VAX2: variants seen among roughly 807,000 people sequenced by gnomAD.
VAX2 encodes ventral anterior homeobox 2.
Under a neutral mutation model 12.5 loss-of-function variants are expected in VAX2, and 8 were observed. That is an observed-to-expected ratio of 0.64 (90% confidence interval 0.37 to 1.15). The LOEUF is 1.15. VAX2 is among the 50% of genes most tolerant of loss of function. VAX2 has a pLI of 0.01. For synonymous variants in VAX2, 183 were observed against 187.6 expected, an observed-to-expected ratio of 0.98 and a Z score of 0.20; for missense variants, 476 against 412.9, an observed-to-expected ratio of 1.15 and a Z score of -1.32.
chr2:70,911,893 G>T (rs1481368653), intron 1 of VAX2, among the ~76,000 whole-genome samples: 1 of 151,966 alleles, frequency 6.6e-6, no homozygotes, highest in South Asian at 2.1e-4. Context: ...TTATTTTTAG[G>T]TACTCAAATA....
chr2:70,916,687 T>A (rs1483793316), intron 1 of VAX2, among the ~76,000 whole-genome samples: 2 of 152,214 alleles, frequency 1.3e-5, no homozygotes, highest in Non-Finnish European at 2.9e-5. Context: ...TTGTTGTGTG[T>A]TTCAATCGTT....
chr2:70,917,536 A>AT (rs1553412185), intron 1 of VAX2, among the ~76,000 whole-genome samples: 1 of 151,846 alleles, frequency 6.6e-6, no homozygotes, highest in Non-Finnish European at 1.5e-5. Context: ...CACTCTCAGT[A>AT]TTTTTTCTTT....
intron 1 of VAX2, among the ~76,000 whole-genome samples, chr2:70,912,191 A>T (rs1679200665): frequency 6.6e-6 from 1 of 152,316 alleles, no homozygotes; most frequent in Non-Finnish European, 1.5e-5. Context: ...GATTTGTAAC[A>T]TATTTGCTGT....
intron 1 of VAX2, among the ~76,000 whole-genome samples, chr2:70,910,241 T>C (rs1442901233): frequency 1.3e-5 from 2 of 152,148 alleles, no homozygotes; most frequent in African/African-American, 4.8e-5. Flanking sequence ...AATTGGGGGA[T>C]AGGTATATCG....
chr2:70,913,457 G>A (rs555818585), intron 1 of VAX2, among the ~76,000 whole-genome samples: 139 of 152,250 alleles, frequency 9.1e-4, no homozygotes, highest in Admixed American at 4.3e-3. Flanking sequence ...TGAGGCGGGG[G>A]GATCACTTGA....
intron 2 of VAX2, among the ~76,000 whole-genome samples, chr2:70,931,637 C>T (rs960534757): frequency 2.0e-5 from 3 of 152,252 alleles, no homozygotes; most frequent in Non-Finnish European, 4.4e-5. Context: ...TGAGACCACC[C>T]ATCCCTGCCA....
At chr2:70,920,865 GT>G (rs1679441608) in intron 1 of VAX2, among the ~76,000 whole-genome samples, 1 of 152,128 alleles carries the variant, frequency 6.6e-6, no homozygotes, top group African/African-American at 2.4e-5. Context: ...AGACCTGGCA[GT>G]TGTACTGAGG....
intron 1 of VAX2, among the ~76,000 whole-genome samples, chr2:70,901,487 C>A (rs1368231992): frequency 6.6e-6 from 1 of 152,250 alleles, no homozygotes; most frequent in Non-Finnish European, 1.5e-5. Flanking sequence ...CGGCTCTCGG[C>A]GCCGCCTTCC....
intron 2 of VAX2, among the ~76,000 whole-genome samples, chr2:70,924,073 A>AT (rs1414667962): frequency 6.6e-6 from 1 of 152,070 alleles, no homozygotes; most frequent in Non-Finnish European, 1.5e-5. Flanking sequence ...AGGTGGGAGG[A>AT]TTGTTTGAGC....
chr2:70,905,808 A>G (rs1679044790), intron 1 of VAX2, among the ~76,000 whole-genome samples: 1 of 152,222 alleles, frequency 6.6e-6, no homozygotes, highest in Non-Finnish European at 1.5e-5. Flanking sequence ...AGGAGATGGC[A>G]GTGGCATGCA....
rs1678899776 is a variant in VAX2 at position 70,900,754 on chromosome 2, G to C, written c.133G>C (p.Glu45Gln). Residue 45 changes from glutamate (E) to glutamine (Q), a missense_variant, in exon 1 of 3, where the codon GAG (glutamate) becomes CAG (glutamine). Physicochemically the swap from Glu to Gln is conservative, Grantham distance 29 (BLOSUM62 2). Coordinates refer to ENST00000234392, the MANE Select transcript of VAX2 (RefSeq NM_012476.3). ...RADGGGHSPT[E>Q]VAGTSASSPA... is the part of the protein sequence containing the mutation. Reference sequence around the variant, plus strand: ...TGATGGCGGTGGCCACAGCCCAACGGAGGTGGCCGGGACCTCAGCCTCCAG... The same window carrying C: ...TGATGGCGGTGGCCACAGCCCAACGCAGGTGGCCGGGACCTCAGCCTCCAG... 1.3e-6 allele frequency: 2 copies of C among 1,486,756 alleles called. No homozygotes were observed. Among genetic ancestry groups the C allele is most frequent in the Non-Finnish European group, 1.8e-6 (2 of 1,118,068 alleles). The allele number at this position is 1,486,756 out of a possible 1,614,324, so 92.1% of individuals were successfully genotyped here. A position where few individuals can be genotyped will look rare whatever the true frequency, so the allele number is the denominator to read the frequency against.
rs1192278715 is a variant in VAX2 at position 70,904,645 on chromosome 2, G to A, written c.247+3777G>A. On this transcript the variant is annotated intron_variant, in intron 1 of 2. Coordinates refer to ENST00000234392, the MANE Select transcript of VAX2 (RefSeq NM_012476.3). This position sits in a 1 kb window ranked among gnomAD's most constrained non-coding sequence, Gnocchi z 4.2. ...AACCCCTGTGTCTGGGAGCAGTAGG[G>A]TGGGATGACTGCAGGATCCCTTGAA... Among the ~76,000 whole-genome samples, 2 of 152,180 alleles carry A rather than the reference G, an allele frequency of 1.3e-5. No individual in the cohort carries two copies. Among genetic ancestry groups the A allele is most frequent in the African/African-American group, 4.8e-5 (2 of 41,452 alleles).
Position 70,905,976 on chromosome 2 carries a change from C to A in VAX2, c.247+5108C>A, listed in dbSNP as rs537540086. On this transcript the variant is annotated intron_variant, in intron 1 of 2. Coordinates refer to ENST00000234392, the MANE Select transcript of VAX2 (RefSeq NM_012476.3). ...CTTGTTGGCTACATTTCTTTGATTT[C>A]TATTTTAATGGTGGGAGGTGGAGCA... Among the ~76,000 whole-genome samples the A allele has an allele frequency of 1.4e-4, 21 of 152,356 alleles. 2 individuals are homozygous for A. In the South Asian group the frequency reaches 4.1e-3, roughly 30 times the overall value.
At chr2:70,928,152 A>G (rs1679614338) in intron 2 of VAX2, among the ~76,000 whole-genome samples, 1 of 152,218 alleles carries the variant, frequency 6.6e-6, no homozygotes, top group African/African-American at 2.4e-5. Context: ...GAGAGACAAC[A>G]TTTGCAGGGC....
Position 70,924,898 on chromosome 2 carries a change from A to G in VAX2, c.435+3613A>G, listed in dbSNP as rs1553413329. 1.2e-4 allele frequency among the ~76,000 whole-genome samples: 18 copies of G among 152,160 alleles called. 1 individual carries two copies. Among genetic ancestry groups the G allele is most frequent in the Non-Finnish European group, 2.6e-4 (18 of 68,028 alleles). On this transcript the variant is annotated intron_variant, in intron 2 of 2. Coordinates refer to ENST00000234392, the MANE Select transcript of VAX2 (RefSeq NM_012476.3). The stretch of plus-strand genomic sequence containing the variant: ...GTTGTGAGGGAGCTCAAATGGGGTC[A>G]TAGGAGAGAGACTAAAAGGAAGTGT...
chr2:70,916,833 C>T (rs1339631819), intron 1 of VAX2, among the ~76,000 whole-genome samples: 2 of 152,066 alleles, frequency 1.3e-5, no homozygotes, highest in African/African-American at 4.8e-5. Flanking sequence ...CATTTGTATA[C>T]AGGTTTTTGT....
chr2:70,914,233 A>T (rs1257582682), intron 1 of VAX2, among the ~76,000 whole-genome samples: 1 of 152,196 alleles, frequency 6.6e-6, no homozygotes, highest in Non-Finnish European at 1.5e-5. Context: ...GGATCACTTG[A>T]GGTCAAGAGT....
chr2:70,916,720 A>G (rs547903507), intron 1 of VAX2, among the ~76,000 whole-genome samples: 1 of 152,278 alleles, frequency 6.6e-6, no homozygotes, highest in Non-Finnish European at 1.5e-5. Flanking sequence ...CCTGAGTAGT[A>G]TCCCAGAGTA....
intron 1 of VAX2, among the ~76,000 whole-genome samples, chr2:70,920,636 C>G (rs1679436089): frequency 1.2e-5 from 1 of 80,294 alleles, no homozygotes; most frequent in Non-Finnish European, 2.3e-5. Context: ...TGCATGCATG[C>G]ATGCACAGAC....
Sources: allele counts gnomAD v4.1 joint callset (sites outside exome capture counted in the v4.1 genomes callset), GRCh38; gene constraint gnomAD v4.1.1; non-coding constraint Gnocchi (gnomAD v3.1); transcripts MANE v1.5; gene names NCBI Gene and HGNC (gene_info 2026-07-23, HGNC 2026-07-21).